ADAMTS16: variants seen among roughly 807,000 people sequenced by gnomAD.
The protein encoded by ADAMTS16 is A disintegrin and metalloproteinase with thrombospondin motifs 16.
Under a neutral mutation model 145.8 loss-of-function variants are expected in ADAMTS16, and 94 were observed. That is an observed-to-expected ratio of 0.64 (90% CI 0.55 to 0.77). The LOEUF (loss-of-function observed/expected upper bound fraction) is 0.77, where lower values mean the gene tolerates loss of function less well. ADAMTS16 is among the 30% of genes least tolerant of loss of function. ADAMTS16 has a pLI of 0.00. For missense variants in ADAMTS16, 1,585 were observed against 1,591.5 expected (o/e 1.00, Z 0.07); for synonymous variants, 659 against 604.3 (o/e 1.09, Z -1.33).
At chr5:5,245,243 T>C (rs974469196) in intron 17 of ADAMTS16, among the ~76,000 whole-genome samples, 2 of 152,202 alleles carry the variant, frequency 1.3e-5, no homozygotes, top group African/African-American at 4.8e-5. Context: ...TCAGATGATT[T>C]AAATTATGTG....
At chr5:5,155,069 C>A (rs1180261700) in intron 3 of ADAMTS16, among the ~76,000 whole-genome samples, 1 of 152,164 alleles carries the variant, frequency 6.6e-6, no homozygotes, top group Non-Finnish European at 1.5e-5. Flanking sequence ...CAAATGAAAC[C>A]AAGCTCTTGA....
rs1400008326 is a variant in ADAMTS16, at chr5:5,232,374, CG to C, written c.1712del (p.Gly571GlufsTer5). 9 of 1,613,724 alleles carry C rather than the reference CG, an allele frequency of 5.6e-6. No homozygotes were observed. Among genetic ancestry groups the C allele is most frequent in the Non-Finnish European group, 7.6e-6 (9 of 1,179,980 alleles). Reference sequence around the variant, plus strand: ...TTTATGTTGAAAATTTTAGTGGTGCCGGGGAGGACAGTGTGTGAAATATGGT... The same window carrying C: ...TTTATGTTGAAAATTTTAGTGGTGCCGGGAGGACAGTGTGTGAAATATGGT... ...GTICGHDMWC[R>X]GGQCVKYGDE... On this transcript the variant is annotated frameshift_variant, in exon 12 of 23. Transcript: ENST00000274181. LOFTEE classifies it high-confidence loss of function.
At chr5:5,180,430 A>G (rs991696572) in intron 3 of ADAMTS16, among the ~76,000 whole-genome samples, 48 of 152,344 alleles carry the variant, frequency 3.2e-4, no homozygotes, top group Non-Finnish European at 3.7e-4. Context: ...TGCCATTGAC[A>G]TTATTTTAAA....
In ADAMTS16 at chr5:5,191,731, G is replaced by A. The variant is rs367971660; in HGVS notation, c.1254G>A (p.Thr418=). 64 of 1,613,594 alleles carry A rather than the reference G, an allele frequency of 4.0e-5. No individual in the cohort carries two copies. Among genetic ancestry groups the A allele is most frequent in the Middle Eastern group, 3.3e-4 (2 of 6,082 alleles). The part of the protein sequence containing the change: ...SGMCSKYRSC[T]INEDTGLGLA... ...TGTGTAGTAAATATCGCAGCTGCAC[G>A]ATTAATGAAGATACAGGTCTTGGAC... The change falls in exon 8 of 23, where the codon ACG becomes ACA. Residue 418 remains threonine (T), a synonymous_variant. Transcript: ENST00000274181.
intron 3 of ADAMTS16, among the ~76,000 whole-genome samples, chr5:5,153,602 G>A (rs1055052703): frequency 2.0e-5 from 3 of 152,076 alleles, no homozygotes; most frequent in African/African-American, 7.2e-5. Flanking sequence ...AATCACTAGG[G>A]TTTTTAACAA....
chr5:5,144,757 C>A (rs900565133), intron 2 of ADAMTS16, among the ~76,000 whole-genome samples: 4 of 152,206 alleles, frequency 2.6e-5, no homozygotes, highest in Non-Finnish European at 4.4e-5. Context: ...TATACATCTC[C>A]TGCCACCTGT....
intron 18 of ADAMTS16, among the ~76,000 whole-genome samples, chr5:5,268,611 C>T (rs996009455): frequency 2.0e-5 from 3 of 152,186 alleles, no homozygotes; most frequent in African/African-American, 4.8e-5. Flanking sequence ...TCCATTTCTC[C>T]TTCCCGTCTT....
Position 5,310,015 on chromosome 5 carries a change from A to AATTC in ADAMTS16, c.3411+3287_3411+3288insATTC, listed in dbSNP as rs1264321080. Reference sequence around the variant, plus strand: ...TTTTAAGGATTGAAGAATTCCTGAGACTGACCTGCCAGTGGGGCAAAACCC... The same window carrying AATTC: ...TTTTAAGGATTGAAGAATTCCTGAGAATTCCTGACCTGCCAGTGGGGCAAAACCC... On this transcript the variant is annotated intron_variant, in intron 21 of 22. Coordinates refer to ENST00000274181, the MANE Select transcript of ADAMTS16 (RefSeq NM_139056.4). The surrounding 1 kb of genome is among the most constrained non-coding windows in gnomAD (Gnocchi z 4.3). Among the ~76,000 whole-genome samples, 22 of 152,096 alleles carry AATTC rather than the reference A, an allele frequency of 1.4e-4. No individual in the cohort carries two copies. Among genetic ancestry groups the AATTC allele is most frequent in the Non-Finnish European group, 2.9e-4 (20 of 68,020 alleles).
At chr5:5,166,830 A>G (rs558658128) in intron 3 of ADAMTS16, among the ~76,000 whole-genome samples, 1 of 152,312 alleles carries the variant, frequency 6.6e-6, no homozygotes, top group East Asian at 1.9e-4. Context: ...TCATATGTGA[A>G]TATTTTGCAA....
rs149832697 is a variant in ADAMTS16, at chr5:5,225,438, A to G, written c.1701+2554A>G. On this transcript the variant is annotated intron_variant, in intron 11 of 22. Coordinates refer to ENST00000274181, the MANE Select transcript of ADAMTS16 (RefSeq NM_139056.4). ...GCCAACACGGTGAAACCCTGTCTCT[A>G]CTAAAGATACAAAACTTAGCTGGGC... is the stretch of plus-strand genomic sequence containing the variant. Among the ~76,000 whole-genome samples, 53 of 152,300 alleles carry G rather than the reference A, an allele frequency of 3.5e-4. 1 individual carries two copies. In the East Asian group the frequency reaches 0.01, roughly 29 times the overall value.
chr5:5,213,591 G>A (rs12187812), intron 10 of ADAMTS16, among the ~76,000 whole-genome samples: 21,900 of 152,094 alleles, frequency 0.14, 1,832 homozygotes, highest in Middle Eastern at 0.22. Flanking sequence ...GATCCCCGAA[G>A]ACTTTGCTTT....
Position 5,320,098 on chromosome 5 carries a change from G to A in ADAMTS16, c.*960G>A, listed in dbSNP as rs763753138. 10 of 318,630 alleles carry A rather than the reference G, an allele frequency of 3.1e-5. No homozygotes were observed. Among genetic ancestry groups the A allele is most frequent in the Admixed American group, 5.1e-5 (1 of 19,428 alleles). 19.7% of individuals were successfully genotyped at this position (318,630 alleles called of 1,614,324 possible). A position where few individuals can be genotyped will look rare whatever the true frequency, so the allele number is the denominator to read the frequency against. ...GTGAGATTTTAATCTTTTTTTTTTC[G>A]GTGAGTCTGGCCATTTCTATAATGC... On this transcript the variant is annotated 3_prime_UTR_variant, in exon 23 of 23. Coordinates refer to ENST00000274181, the MANE Select transcript of ADAMTS16 (RefSeq NM_139056.4). The surrounding 1 kb of genome is among the most constrained non-coding windows in gnomAD (Gnocchi z 5.1).
intron 18 of ADAMTS16, among the ~76,000 whole-genome samples, chr5:5,290,152 T>C (rs1487543496): frequency 6.6e-6 from 1 of 152,224 alleles, no homozygotes; most frequent in Non-Finnish European, 1.5e-5. Flanking sequence ...TAGCAAAATC[T>C]CCTGAGGTAA....
In ADAMTS16 at chr5:5,146,376, C is replaced by T; in HGVS notation, c.422C>T (p.Pro141Leu). The change falls in exon 3 of 23, where the codon CCA becomes CTA. Residue 141 changes from proline (P) to leucine (L), a missense_variant. Pro to Leu is a moderately conservative substitution (Grantham distance 98). Coordinates refer to ENST00000274181, the MANE Select transcript of ADAMTS16 (RefSeq NM_139056.4). ...TGTKSVQTLP[P>L]EDFCFYQGSL... ...ACTAAGTCTGTGCAGACTTTACCGCCAGAGGACTTCTGTTTCTATCAAGGC... is the reference window on the plus strand; with the variant it reads ...ACTAAGTCTGTGCAGACTTTACCGCTAGAGGACTTCTGTTTCTATCAAGGC... 1 of 1,614,126 alleles carries T rather than the reference C, an allele frequency of 6.2e-7. No homozygotes were observed. Among genetic ancestry groups the T allele is most frequent in the Non-Finnish European group, 8.5e-7 (1 of 1,180,038 alleles).
At chr5:5,176,139 G>A (rs1283704448) in intron 3 of ADAMTS16, 1 of 152,216 alleles carries the variant, frequency 6.6e-6, no homozygotes, top group Admixed American at 6.5e-5. Flanking sequence ...GTCTTGTGCT[G>A]TTCCTCACTC....
chr5:5,303,586 TG>T lies in ADAMTS16; in HGVS notation c.3009del (p.Lys1004ArgfsTer62). 2 of 1,614,016 alleles carry T rather than the reference TG, an allele frequency of 1.2e-6. No individual in the cohort carries two copies. The highest frequency in any genetic ancestry group is 8.5e-7 in the Non-Finnish European group (1 of 1,179,974). On this transcript the variant is annotated frameshift_variant, in exon 20 of 23. Transcript: ENST00000274181. LOFTEE classifies it high-confidence loss of function. ...GTTCTGTGCAGTGCTCACACACCTG[TG>T]GGAAGGGGTGGAGGAAGCGGGCAGT... ...GPWAECSHTC[G>X]KGWRKRAVAC...
At chr5:5,163,217 C>G (rs981201656) in intron 3 of ADAMTS16, among the ~76,000 whole-genome samples, 4 of 152,170 alleles carry the variant, frequency 2.6e-5, no homozygotes, top group Non-Finnish European at 5.9e-5. Flanking sequence ...CAAGCATACA[C>G]ACTGCTATAC....
At position 5,203,059 on chromosome 5, in the gene ADAMTS16, C is replaced by A. The variant is rs145534109; in HGVS notation, c.1451+2790C>A. On this transcript the variant is annotated intron_variant, in intron 9 of 22. Transcript: ENST00000274181. ...AAGTGTGCTGATGTGTTTTTGTGTG[C>A]ATCCAGCAAAACACTACTGTAGCAT... 3.3e-3 allele frequency among the ~76,000 whole-genome samples: 507 copies of A among 152,264 alleles called. 2 individuals carry two copies. Among genetic ancestry groups the A allele is most frequent in the African/African-American group, 0.012 (483 of 41,550 alleles).
Position 5,186,195 on chromosome 5 carries a change from A to C in ADAMTS16, c.907A>C (p.Met303Leu). The change falls in exon 5 of 23, where the codon ATG becomes CTG. Residue 303 changes from methionine (M) to leucine (L), a missense_variant. Transcript: ENST00000274181. The stretch of plus-strand genomic sequence containing the variant: ...CTTGGTGGTGGTCGACAAAAAGATG[A>C]TGCAAAACCATGGCCATGAAAATAT... ...ETLVVVDKKM[M>L]QNHGHENITT... 6.2e-7 allele frequency: 1 copy of C among 1,613,600 alleles called. No individual in the cohort carries two copies. The highest frequency in any genetic ancestry group is 8.5e-7 in the Non-Finnish European group (1 of 1,179,904).
Sources: gnomAD v4.1 joint callset for allele counts (sites outside exome capture counted in the v4.1 genomes callset) on GRCh38, gnomAD v4.1.1 for gene constraint, Gnocchi (gnomAD v3.1) non-coding constraint, MANE v1.5 for transcripts, NCBI Gene and HGNC (gene_info 2026-07-23, HGNC 2026-07-21) for gene names.